Variants in KMT2D observed in about 807,000 individuals in gnomAD.
KMT2D encodes the protein histone-lysine N-methyltransferase 2D.
In KMT2D, 55 loss-of-function variants were observed where a neutral mutation model predicts 512.7. That is an observed-to-expected ratio of 0.11 (90% confidence interval 0.09 to 0.13). The LOEUF (loss-of-function observed/expected upper bound fraction) is 0.13, where lower values mean the gene tolerates loss of function less well. KMT2D is among the 10% of genes least tolerant of loss of function. The pLI, the probability that KMT2D is intolerant of heterozygous loss-of-function variation, is 1.00. For synonymous variants in KMT2D, 2,995 were observed against 2,904.0 expected, an observed-to-expected ratio of 1.03 and a Z score of -1.01; for missense variants, 6,061 against 7,127.9, an observed-to-expected ratio of 0.85 and a Z score of 5.39.
At chr12:49,048,310 A>G (rs2120622570) in intron 14 of KMT2D, among the ~76,000 whole-genome samples, 1 of 152,384 alleles carries the variant, frequency 6.6e-6, no homozygotes, top group Non-Finnish European at 1.5e-5. Flanking sequence ...TTAAAGGAAG[A>G]TAAGATGGAG....
In KMT2D at chr12:49,027,798, C is replaced by A. The variant is rs1942679764; in HGVS notation, c.14643+5G>T. 2 of 1,558,922 alleles carry A rather than the reference C, an allele frequency of 1.3e-6. No homozygotes were observed. The highest frequency in any genetic ancestry group is 2.4e-5 in the East Asian group (1 of 41,372). The stretch of plus-strand genomic sequence containing the variant: ...CACCCACCCCTTTTTCTCCCCCAGA[C>A]CTACCTGTTTCAGGAGGCTCAAGAT... On this transcript the variant is annotated splice_donor_5th_base_variant and intron_variant, in intron 48 of 54. Transcript: ENST00000301067.
At position 49,046,117 on chromosome 12, in the gene KMT2D, G is replaced by A. The variant is rs377048725; in HGVS notation, c.4641C>T (p.Ala1547=). ...LFTEDDVEQA[A]DEGFDCVSCQ... ...AGGAGACACAGTCAAAGCCTTCATC[G>A]GCTGCCTGCTCCACATCGTCCTCTG... Residue 1547 remains alanine, a synonymous_variant, in exon 18 of 55, where the codon GCC becomes GCT. Transcript: ENST00000301067. This position sits in a 1 kb window ranked among gnomAD's most constrained non-coding sequence, Gnocchi z 4.2. 4.0e-5 allele frequency: 64 copies of A among 1,610,746 alleles called. No homozygotes were observed. The highest frequency in any genetic ancestry group is 2.8e-4 in the African/African-American group (21 of 74,848).
chr12:49,058,302 C>T (rs878884196), intron 1 of KMT2D, among the ~76,000 whole-genome samples: 3 of 152,202 alleles, frequency 2.0e-5, no homozygotes, highest in South Asian at 2.1e-4. Context: ...CATAGAATGC[C>T]GGAGTGGAGA....
At position 49,019,161 on chromosome 12, in the gene KMT2D, C is replaced by G; in HGVS notation, c.*2619G>C. ...GAGAGGGCGCTTTAAAAAAGGGAAC[C>G]ATTTCATCCGTTGTTACGAAGGACC... On this transcript the variant is annotated 3_prime_UTR_variant, in exon 55 of 55. Transcript: ENST00000301067. The G allele has an allele frequency of 8.9e-7, 1 of 1,124,068 alleles. No homozygotes were observed. The highest frequency in any genetic ancestry group is 3.8e-4 in the Middle Eastern group (1 of 2,598). The allele number at this position is 1,124,068 out of a possible 1,614,324, so 69.6% of individuals were successfully genotyped here.
chr12:49,037,011 G>A, intron 35 of KMT2D, 114 bp downstream of exon 35: 1 of 1,372,296 alleles, frequency 7.3e-7, no homozygotes. Context: ...TTTAGCCAAA[G>A]TTCTTTGTGT....
chr12:49,032,377 T>C lies in KMT2D; in HGVS notation c.12328A>G (p.Thr4110Ala). Residue 4110 changes from threonine (T) to alanine (A), a missense_variant, in exon 40 of 55, where the codon ACA (threonine) becomes GCA (alanine). Thr to Ala is a moderately conservative substitution (Grantham distance 58). Around this residue, in one of 16 missense-constraint regions of KMT2D, gnomAD observed 1,600 missense variants for 1,754.9 expected, o/e 0.91. Transcript: ENST00000301067. Reference protein sequence around the residue: ...QQQQQVSLLHTAGGGSHGQLG... With the variant: ...QQQQQVSLLHAAGGGSHGQLG... ...TGCCCATGGCTTCCTCCACCTGCTG[T>C]GTGGAGCAGGCTAACTTGCTGCTGC... 6.2e-7 allele frequency: 1 copy of C among 1,611,122 alleles called. No individual in the cohort carries two copies. The highest frequency in any genetic ancestry group is 8.5e-7 in the Non-Finnish European group (1 of 1,178,590).
chr12:49,041,670 G>A lies in KMT2D; in HGVS notation c.6219C>T (p.Ile2073=). 1 of 1,613,166 alleles carries A rather than the reference G, an allele frequency of 6.2e-7. No individual in the cohort carries two copies. The highest frequency in any genetic ancestry group is 8.5e-7 in the Non-Finnish European group (1 of 1,179,466). ...CCCCACTCACCTTCTGCACCTTGTTGATGCGGTGAGCTGCCCGGTTATCTT... is the reference window on the plus strand; with the variant it reads ...CCCCACTCACCTTCTGCACCTTGTTAATGCGGTGAGCTGCCCGGTTATCTT... ...KAKDNRAAHR[I]NKVQKQAESQ... Residue 2073 remains isoleucine (I), a synonymous_variant, in exon 31 of 55, where the codon ATC becomes ATT. Transcript: ENST00000301067. This position sits in a 1 kb window ranked among gnomAD's most constrained non-coding sequence, Gnocchi z 5.4.
chr12:49,048,816 C>G (rs2120627567), intron 13 of KMT2D, 47 bp from the exon 14 acceptor site: 2 of 1,258,498 alleles, frequency 1.6e-6, no homozygotes, highest in Non-Finnish European at 1.1e-6. Context: ...AATCTGCCCC[C>G]ACCAAGCTAC....
intron 1 of KMT2D, 125 bp from the exon 2 acceptor site, chr12:49,055,486 C>T (rs1430592054): frequency 1.6e-6 from 1 of 609,196 alleles, no homozygotes; most frequent in African/African-American, 1.9e-5. Flanking sequence ...CTACAAACTC[C>T]TATACTGACA....
rs768381823 is a variant in KMT2D at position 49,053,572 on chromosome 12, C to T, written c.743G>A (p.Gly248Glu). ...CAGGCAGGCCCCGTGATAGTGATGC[C>T]CACAGCTGGTACAGAAGAACAGGTC... ...LCDLFFCTSC[G>E]HHYHGACLDT... is the part of the protein sequence containing the mutation. The change falls in exon 7 of 55, where the codon GGG becomes GAG. Residue 248 changes from glycine to glutamate, a missense_variant. By Grantham distance (98) the Gly-to-Glu change is moderately conservative. Around this residue, in one of 16 missense-constraint regions of KMT2D, gnomAD observed 160 missense variants for 225.8 expected, o/e 0.71. Transcript: ENST00000301067. The T allele has an allele frequency of 1.2e-6, 2 of 1,600,122 alleles. No homozygotes were observed. The highest frequency in any genetic ancestry group is 1.7e-6 in the Non-Finnish European group (2 of 1,173,470).
rs755920864 is a variant in KMT2D at position 49,024,671 on chromosome 12, C to T, written c.15959G>A (p.Arg5320His). ...CTCCATAAGGGGGTGGCGCCCATAG[C>T]GGAATAAATAGTTTTGACAGCTCTC... ...GVESCQNYLF[R>H]YGRHPLMELP... Residue 5320 changes from arginine (R) to histidine (H), a missense_variant, in exon 51 of 55, where the codon CGC (arginine) becomes CAC (histidine). Arg to His is a conservative substitution (Grantham distance 29). Around this residue, in one of 16 missense-constraint regions of KMT2D, gnomAD observed 261 missense variants for 440.7 expected, o/e 0.59. Coordinates refer to ENST00000301067, the MANE Select transcript of KMT2D (RefSeq NM_003482.4). This position sits in a 1 kb window ranked among gnomAD's most constrained non-coding sequence, Gnocchi z 4.5. The T allele has an allele frequency of 7.4e-6, 12 of 1,613,718 alleles. No homozygotes were observed. In the African/African-American group the frequency reaches 8.0e-5, roughly 11 times the overall value.
chr12:49,044,207 G>C lies in KMT2D; in HGVS notation c.5181C>G (p.Pro1727=), dbSNP rs201686029. Reference sequence around the variant, plus strand: ...TGCCCTCACCCGTCTCACCCTCGTCGGGCTGCCCATCCCCACTCAACACCT... The same window carrying C: ...TGCCCTCACCCGTCTCACCCTCGTCCGGCTGCCCATCCCCACTCAACACCT... ...QAEVLSGDGQ[P]DEVIPADLPA... The change falls in exon 22 of 55, where the codon CCC becomes CCG. Residue 1727 remains proline, a synonymous_variant. Coordinates refer to ENST00000301067, the MANE Select transcript of KMT2D (RefSeq NM_003482.4). The surrounding 1 kb of genome is among the most constrained non-coding windows in gnomAD (Gnocchi z 6.4). 2 of 1,611,336 alleles carry C rather than the reference G, an allele frequency of 1.2e-6. No individual in the cohort carries two copies. The highest frequency in any genetic ancestry group is 3.3e-5 in the Admixed American group (2 of 59,990).
At chr12:49,023,404 C>T (rs987931001) in intron 51 of KMT2D, among the ~76,000 whole-genome samples, 1 of 152,174 alleles carries the variant, frequency 6.6e-6, no homozygotes, top group South Asian at 2.1e-4. Flanking sequence ...AGGTGGTATC[C>T]TTTCTTCGGA....
Position 49,040,709 on chromosome 12 carries a change from G to A in KMT2D, c.7061C>T (p.Pro2354Leu), listed in dbSNP as rs572022239. Residue 2354 changes from proline (P) to leucine (L), a missense_variant, in exon 32 of 55, where the codon CCT becomes CTT. By Grantham distance (98) the Pro-to-Leu change is moderately conservative (BLOSUM62 -3). Around this residue, in one of 16 missense-constraint regions of KMT2D, gnomAD observed 710 missense variants for 647.3 expected, o/e 1.10. Transcript: ENST00000301067. Reference sequence around the variant, plus strand: ...AGGAGAAGGTGCCAAAGCCTGGGCAGGGGGTGGCTCCTGGGGCCTTAGGCC... The same window carrying A: ...AGGAGAAGGTGCCAAAGCCTGGGCAAGGGGTGGCTCCTGGGGCCTTAGGCC... ...GLGLRPQEPP[P>L]AQALAPSPPS... is the part of the protein sequence containing the mutation. 4 of 1,613,790 alleles carry A rather than the reference G, an allele frequency of 2.5e-6. No homozygotes were observed. In the South Asian group the frequency reaches 4.4e-5, roughly 18 times the overall value.
At position 49,021,770 on chromosome 12, in the gene KMT2D, T is replaced by G. The variant is rs777182411; in HGVS notation, c.*10A>C. 8.1e-6 allele frequency: 13 copies of G among 1,609,676 alleles called. No homozygotes were observed. The highest frequency in any genetic ancestry group is 1.1e-5 in the Non-Finnish European group (13 of 1,176,024). ...AGGGGGACTCCCCTGCCTGGTAGCC[T>G]CAAAGCTTCTTAGTTCATCCATTTC... is the stretch of plus-strand genomic sequence containing the variant. On this transcript the variant is annotated 3_prime_UTR_variant, in exon 55 of 55. Transcript: ENST00000301067.
chr12:49,039,791 T>C lies in KMT2D; in HGVS notation c.7979A>G (p.Glu2660Gly), dbSNP rs2120516713. ...GCCTGGGTCCTGGGTACCTGGGAGTTCAGCTGTCGCCAAAGAGCTACCCAT... is the reference window on the plus strand; with the variant it reads ...GCCTGGGTCCTGGGTACCTGGGAGTCCAGCTGTCGCCAAAGAGCTACCCAT... Reference protein sequence around the residue: ...TGMGSSLATAELPGTQDPGMS... With the variant: ...TGMGSSLATAGLPGTQDPGMS... The change falls in exon 32 of 55, where the codon GAA (glutamate) becomes GGA (glycine). Residue 2660 changes from glutamate to glycine, a missense_variant. Glu to Gly is a moderately conservative substitution (Grantham distance 98). Around this residue, in one of 16 missense-constraint regions of KMT2D, gnomAD observed 527 missense variants for 578.9 expected, o/e 0.91. Coordinates refer to ENST00000301067, the MANE Select transcript of KMT2D (RefSeq NM_003482.4). The surrounding 1 kb of genome is among the most constrained non-coding windows in gnomAD (Gnocchi z 5.0). 1 of 1,613,976 alleles carries C rather than the reference T, an allele frequency of 6.2e-7. No individual in the cohort carries two copies. The highest frequency in any genetic ancestry group is 8.5e-7 in the Non-Finnish European group (1 of 1,179,884).
chr12:49,047,008 G>T (rs545626087), intron 15 of KMT2D, among the ~76,000 whole-genome samples: 1 of 152,132 alleles, frequency 6.6e-6, no homozygotes, highest in East Asian at 1.9e-4. Context: ...ACCACACCTG[G>T]CTAATTTTTT....
At position 49,043,106 on chromosome 12, in the gene KMT2D, T is replaced by C. The variant is rs762856028; in HGVS notation, c.5614A>G (p.Ser1872Gly). 1 of 1,613,926 alleles carries C rather than the reference T, an allele frequency of 6.2e-7. No individual in the cohort carries two copies. Among genetic ancestry groups the C allele is most frequent in the East Asian group, 2.2e-5 (1 of 44,886 alleles). Reference sequence around the variant, plus strand: ...GTGGAAATCCTGTCTAAGTCAGAGCTAAGCATCCCTTCACCTGGGGTGCCT... The same window carrying C: ...GTGGAAATCCTGTCTAAGTCAGAGCCAAGCATCCCTTCACCTGGGGTGCCT... Reference protein sequence around the residue: ...KPGTPGEGMLSSDLDRISTEE... With the variant: ...KPGTPGEGMLGSDLDRISTEE... Residue 1872 changes from serine (S) to glycine (G), a missense_variant, in exon 26 of 55, where the codon AGC becomes GGC. Around this residue, in one of 16 missense-constraint regions of KMT2D, gnomAD observed 640 missense variants for 814.3 expected, o/e 0.79. Transcript: ENST00000301067.
In KMT2D at chr12:49,042,238, G is replaced by C; in HGVS notation, c.5960C>G (p.Pro1987Arg). 6.3e-7 allele frequency: 1 copy of C among 1,590,124 alleles called. No homozygotes were observed. Among genetic ancestry groups the C allele is most frequent in the Non-Finnish European group, 8.6e-7 (1 of 1,168,600 alleles). ...GGTTPSTPTT[P>R]TTEGEGDGLS... ...TCCGTCGCCCTCACCCTCCGTGGTG[G>C]GGGTTGTGGGGGTGGAGGGCGTGGT... The change falls in exon 29 of 55, where the codon CCC becomes CGC. Residue 1987 changes from proline to arginine, a missense_variant. Coordinates refer to ENST00000301067, the MANE Select transcript of KMT2D (RefSeq NM_003482.4). The surrounding 1 kb of genome is among the most constrained non-coding windows in gnomAD (Gnocchi z 4.4).
Sources: allele counts gnomAD v4.1 joint callset (sites outside exome capture counted in the v4.1 genomes callset), GRCh38; gene constraint gnomAD v4.1.1; regional missense constraint gnomAD v4.1.1; non-coding constraint Gnocchi (gnomAD v3.1); transcripts MANE v1.5; gene names NCBI Gene and HGNC (gene_info 2026-07-23, HGNC 2026-07-21).